The following YTHDF3 variants were observed in gnomAD, a reference collection of about 807,000 sequenced individuals.
YTHDF3 encodes YTH domain-containing family protein 3.
Under a neutral mutation model 52.5 loss-of-function variants are expected in YTHDF3, and 9 were observed. That is an observed-to-expected ratio of 0.17 (90% CI 0.10 to 0.30). YTHDF3 has a LOEUF of 0.30. YTHDF3 is among the 10% of genes least tolerant of loss of function. The pLI, the probability that YTHDF3 is intolerant of heterozygous loss-of-function variation, is 1.00. For missense variants in YTHDF3, 534 were observed against 715.0 expected, an observed-to-expected ratio of 0.75 and a Z score of 2.89; for synonymous variants, 274 against 243.3, an observed-to-expected ratio of 1.13 and a Z score of -1.18.
chr8:63,208,141 C>T (rs1373734565), intron 4 of YTHDF3, among the ~76,000 whole-genome samples: 1 of 152,116 alleles, frequency 6.6e-6, no homozygotes, highest in East Asian at 1.9e-4. Flanking sequence ...CAATGTATCT[C>T]ACCGATACTC....
intron 4 of YTHDF3, among the ~76,000 whole-genome samples, chr8:63,193,592 A>C (rs1180914749): frequency 6.6e-6 from 1 of 152,084 alleles, no homozygotes; most frequent in African/African-American, 2.4e-5. Context: ...CCCATCTCTA[A>C]AATAAATGAA....
chr8:63,197,900 A>T (rs547185824), intron 4 of YTHDF3, among the ~76,000 whole-genome samples: 2 of 152,314 alleles, frequency 1.3e-5, no homozygotes, highest in African/African-American at 4.8e-5. Flanking sequence ...CCATTGTTGT[A>T]GTGAATGTGA....
chr8:63,172,754 A>G (rs1807414281), intron 2 of YTHDF3: 4 of 1,231,386 alleles, frequency 3.2e-6, no homozygotes, highest in Non-Finnish European at 4.0e-6. Flanking sequence ...TTCTATCTTG[A>G]TTTGACTCTG....
chr8:63,196,671 C>A (rs1809260412), intron 4 of YTHDF3, among the ~76,000 whole-genome samples: 1 of 151,902 alleles, frequency 6.6e-6, no homozygotes, highest in South Asian at 2.1e-4. Flanking sequence ...CATCAGAATT[C>A]TATAACCCTG....
At chr8:63,178,017 C>G (rs934813692) in intron 3 of YTHDF3, among the ~76,000 whole-genome samples, 2 of 152,182 alleles carry the variant, frequency 1.3e-5, no homozygotes, top group African/African-American at 4.8e-5. Flanking sequence ...CTCGGCCTCC[C>G]AAAGTGCTGG....
In YTHDF3 at chr8:63,187,656, A is replaced by G; in HGVS notation, c.1645A>G (p.Ile549Val). The change falls in exon 4 of 5, where the codon ATA (isoleucine) becomes GTA (valine). Residue 549 changes from isoleucine (I) to valine (V), a missense_variant. Around this residue, in one of 3 missense-constraint regions of YTHDF3, gnomAD observed 135 missense variants for 214.2 expected, o/e 0.63. Coordinates refer to ENST00000539294, the MANE Select transcript of YTHDF3 (RefSeq NM_152758.6). ...AGAAAAAGCTAAGCAAGTGCTTAAA[A>G]TAATTGCTACTTTCAAGCATACCAC... ...PLEKAKQVLK[I>V]IATFKHTTSI... 5 of 1,611,150 alleles carry G rather than the reference A, an allele frequency of 3.1e-6. 1 individual carries two copies. Among genetic ancestry groups the G allele is most frequent in the East Asian group, 2.2e-5 (1 of 44,836 alleles).
chr8:63,188,724 T>C (rs1309126142), intron 4 of YTHDF3: 4 of 116,938 alleles, frequency 3.4e-5, no homozygotes, highest in Admixed American at 9.3e-5. Flanking sequence ...TTTTTTTTTT[T>C]CTTTTGTGAG....
intron 3 of YTHDF3, among the ~76,000 whole-genome samples, chr8:63,177,679 A>T (rs2130006674): frequency 6.6e-6 from 1 of 152,256 alleles, no homozygotes; most frequent in African/African-American, 2.4e-5. Flanking sequence ...ACTTGATTTC[A>T]TAGTTTATAA....
chr8:63,169,531 A>T, intron 2 of YTHDF3, 120 bp downstream of exon 2: 1 of 1,124,244 alleles, frequency 8.9e-7, no homozygotes, highest in Non-Finnish European at 1.3e-6. Context: ...GATTAGGGAA[A>T]ATATTCATCA....
chr8:63,197,111 TA>T (rs199541575), intron 4 of YTHDF3, among the ~76,000 whole-genome samples: 1 of 151,124 alleles, frequency 6.6e-6, no homozygotes, highest in Non-Finnish European at 1.5e-5. Flanking sequence ...TGAAGGAAGC[TA>T]AAAAAAAATA....
chr8:63,169,238 G>C (rs945584417), intron 1 of YTHDF3, 149 bp from the exon 2 acceptor site: 1 of 1,298,770 alleles, frequency 7.7e-7, no homozygotes, highest in Non-Finnish European at 1.0e-6. Context: ...GGGGTGGTTG[G>C]GAAATTGGTG....
Position 63,186,863 on chromosome 8 carries a change from A to G in YTHDF3, c.852A>G (p.Ser284=). Residue 284 remains serine, a synonymous_variant, in exon 4 of 5, where the codon TCA becomes TCG. Transcript: ENST00000539294. ...MNIGTWDEKG[S]VVKAPPTQPV... ...TTGGAACTTGGGATGAAAAAGGGTC[A>G]GTGGTAAAGGCTCCACCAACCCAAC... is the stretch of plus-strand genomic sequence containing the variant. 2 of 1,614,016 alleles carry G rather than the reference A, an allele frequency of 1.2e-6. No homozygotes were observed. The highest frequency in any genetic ancestry group is 1.7e-6 in the Non-Finnish European group (2 of 1,179,888).
intron 4 of YTHDF3, among the ~76,000 whole-genome samples, chr8:63,206,493 T>C (rs1216527276): frequency 1.3e-5 from 2 of 152,180 alleles, no homozygotes; most frequent in Non-Finnish European, 2.9e-5. Flanking sequence ...TCTAACCCCT[T>C]ATCTAATCCA....
intron 3 of YTHDF3, among the ~76,000 whole-genome samples, chr8:63,179,515 C>G (rs1807932765): frequency 6.6e-6 from 1 of 152,174 alleles, no homozygotes; most frequent in Admixed American, 6.5e-5. Context: ...GCACATGTTT[C>G]AGAGAGCACA....
At chr8:63,204,431 G>A (rs1231818885) in intron 4 of YTHDF3, among the ~76,000 whole-genome samples, 3 of 148,032 alleles carry the variant, frequency 2.0e-5, no homozygotes, top group Middle Eastern at 3.5e-3. Flanking sequence ...GCGTGATCTC[G>A]GGTCACCGCA....
At position 63,209,912 on chromosome 8, in the gene YTHDF3, C is replaced by G. The variant is rs1810282493; in HGVS notation, c.*206C>G. On this transcript the variant is annotated 3_prime_UTR_variant, in exon 5 of 5. Coordinates refer to ENST00000539294, the MANE Select transcript of YTHDF3 (RefSeq NM_152758.6). Reference sequence around the variant, plus strand: ...CACCAAACACACTTGAGAACTGTAACTTCGTCAAGCACTTTCTGTCCTGAA... The same window carrying G: ...CACCAAACACACTTGAGAACTGTAAGTTCGTCAAGCACTTTCTGTCCTGAA... The G allele has an allele frequency of 2.1e-6, 1 of 485,006 alleles. No individual in the cohort carries two copies. The highest frequency in any genetic ancestry group is 3.6e-6 in the Non-Finnish European group (1 of 277,976). 30.0% of individuals were successfully genotyped at this position (485,006 alleles called of 1,614,324 possible).
intron 4 of YTHDF3, among the ~76,000 whole-genome samples, chr8:63,196,888 A>G (rs925044113): frequency 2.6e-5 from 4 of 152,198 alleles, no homozygotes; most frequent in Non-Finnish European, 5.9e-5. Context: ...ATGAAAAAGA[A>G]TTCAAGAAAG....
At chr8:63,171,093 T>G (rs1807294277) in intron 2 of YTHDF3, among the ~76,000 whole-genome samples, 4 of 152,210 alleles carry the variant, frequency 2.6e-5, no homozygotes, top group African/African-American at 4.8e-5. Flanking sequence ...ATTTTGATAG[T>G]TCTTTATTCT....
At chr8:63,182,065 T>G (rs756908106) in intron 3 of YTHDF3, among the ~76,000 whole-genome samples, 5 of 151,042 alleles carry the variant, frequency 3.3e-5, no homozygotes, top group Non-Finnish European at 2.9e-5. Context: ...TTTGTGTGTG[T>G]GGTTTTTTTT....
Sources: allele counts gnomAD v4.1 joint callset (sites outside exome capture counted in the v4.1 genomes callset), GRCh38; gene constraint gnomAD v4.1.1; regional missense constraint gnomAD v4.1.1; transcripts MANE v1.5; gene names NCBI Gene and HGNC (gene_info 2026-07-23, HGNC 2026-07-21).